PPP1R3F: variants seen among roughly 807,000 people sequenced by gnomAD.
PPP1R3F encodes the protein protein phosphatase 1 regulatory subunit 3F, also known as protein phosphatase 1, regulatory (inhibitor) subunit 3F.
In PPP1R3F, 29 loss-of-function variants were observed where a neutral mutation model predicts 24.2. The ratio of observed to expected loss-of-function variants is 1.20; its 90% confidence interval spans 0.89 to 1.63. PPP1R3F has a LOEUF of 1.63. Ranked by LOEUF, PPP1R3F falls within the 40% of genes most tolerant of loss-of-function variation. The probability of loss-of-function intolerance (pLI) is 0.00; values close to 1 mark genes in which losing one functional copy is unlikely to be tolerated. For missense variants in PPP1R3F, 823 were observed against 729.3 expected (o/e 1.13, Z -1.48); for synonymous variants, 363 against 340.1 (o/e 1.07, Z -0.74).
At chrX:49,297,942 AG>A (rs1404194353) in intron 3 of PPP1R3F, among the ~76,000 whole-genome samples, 2 of 102,798 alleles carry the variant, frequency 1.9e-5, no homozygotes, top group African/African-American at 3.7e-5. Context: ...TCCTGAATAT[AG>A]CCCACCGATG....
chrX:49,291,676 ATT>A (rs2066309529), downstream of PPP1R3F, among the ~76,000 whole-genome samples: 1 of 109,733 alleles, frequency 9.1e-6, no homozygotes, highest in Non-Finnish European at 1.9e-5. Flanking sequence ...GATAAACTCT[ATT>A]TTTATCACCC....
chrX:49,271,308 A>T (rs782713850), intron 1 of PPP1R3F, among the ~76,000 whole-genome samples: 83 of 112,157 alleles, frequency 7.4e-4, no homozygotes, highest in Non-Finnish European at 1.5e-4. Context: ...AAGAAGAGTT[A>T]TGCAGATACG....
At chrX:49,297,144 GAGTCTA>G (rs1352102513) in intron 3 of PPP1R3F, among the ~76,000 whole-genome samples, 1 of 109,917 alleles carries the variant, frequency 9.1e-6, no homozygotes, top group Non-Finnish European at 1.9e-5. Flanking sequence ...TATTGTGTGG[GAGTCTA>G]AGTCTCTTTG....
At chrX:49,292,617 G>A (rs782257153), downstream of PPP1R3F, among the ~76,000 whole-genome samples, 4 of 112,948 alleles carry the variant, frequency 3.5e-5, no homozygotes, top group Admixed American at 9.3e-5. Context: ...GGGCCTGAAC[G>A]CCGGGTCTAG....
At position 49,269,919 on chromosome X, in the gene PPP1R3F, C is replaced by A; in HGVS notation, c.50C>A (p.Pro17His). Residue 17 changes from proline (P) to histidine (H), a missense_variant, in exon 1 of 4, where the codon CCC (proline) becomes CAC (histidine). Coordinates refer to ENST00000055335, the MANE Select transcript of PPP1R3F (RefSeq NM_033215.5). Reference sequence around the variant, plus strand: ...CCCCCGCTGCGGCATTCCGCGCCCCCCTCGCCGGCCGCGGGTGAGCCCCGC... The same window carrying A: ...CCCCCGCTGCGGCATTCCGCGCCCCACTCGCCGGCCGCGGGTGAGCCCCGC... The part of the protein sequence containing the change: ...VEPPLRHSAP[P>H]SPAAGEPRTS... The A allele has an allele frequency of 4.4e-6, 4 of 906,655 alleles. No individual in the cohort carries two copies. Among genetic ancestry groups the A allele is most frequent in the Non-Finnish European group, 5.4e-6 (4 of 736,101 alleles). 74.7% of individuals were successfully genotyped at this position (906,655 alleles called of 1,213,427 possible).
intron 3 of PPP1R3F, among the ~76,000 whole-genome samples, chrX:49,284,471 CCT>C (rs1386152506): frequency 5.5e-5 from 5 of 91,605 alleles, no homozygotes; most frequent in Non-Finnish European, 4.3e-5. Flanking sequence ...TCCTTTCTTT[CCT>C]CTCTCTCTCT....
chrX:49,288,338 C>T (rs1557122030), downstream of PPP1R3F, among the ~76,000 whole-genome samples: 1 of 112,275 alleles, frequency 8.9e-6, no homozygotes, highest in African/African-American at 3.2e-5. Flanking sequence ...ACCTTGCAAC[C>T]CTTTCTTCAC....
rs141378768 is a variant in PPP1R3F, at chrX:49,286,851, A to C, written c.2161A>C (p.Arg721=). ...CGAAGTCTGTCTCTCTAGTGTAGCC[A>C]GGCCTCATGTGAGCTCCCAGGATGA... ...GAEVCLSSVA[R]PHVSSQDEKD... The change falls in exon 4 of 4, where the codon AGG becomes CGG. Residue 721 remains arginine, a synonymous_variant. Coordinates refer to ENST00000055335, the MANE Select transcript of PPP1R3F (RefSeq NM_033215.5). The C allele has an allele frequency of 6.7e-6, 8 of 1,192,395 alleles. No homozygotes were observed. In the African/African-American group the frequency reaches 8.8e-5, roughly 13 times the overall value.
At chrX:49,280,160 T>C (rs1193837101) in intron 1 of PPP1R3F, among the ~76,000 whole-genome samples, 1 of 111,919 alleles carries the variant, frequency 8.9e-6, no homozygotes, top group Non-Finnish European at 1.9e-5. Flanking sequence ...CTCTGTGACC[T>C]CCCTCCCAGT....
intron 2 of PPP1R3F, 119 bp downstream of exon 2, chrX:49,281,580 A>G: frequency 1.7e-6 from 1 of 584,971 alleles, no homozygotes; most frequent in Non-Finnish European, 2.7e-6. Context: ...CTGTAATCCC[A>G]GCACTTTGGG....
intron 1 of PPP1R3F, among the ~76,000 whole-genome samples, chrX:49,272,121 C>T (rs1426444027): frequency 8.9e-6 from 1 of 112,049 alleles, no homozygotes; most frequent in Non-Finnish European, 1.9e-5. Flanking sequence ...TGCAGTAAGA[C>T]ATTTGTGGGT....
chrX:49,300,905 C>T (rs1368560312), intron 3 of PPP1R3F, among the ~76,000 whole-genome samples: 2 of 111,613 alleles, frequency 1.8e-5, no homozygotes, highest in East Asian at 5.6e-4. Flanking sequence ...AGTCAGTCTG[C>T]ATGAGCCACT....
chrX:49,279,522 A>G (rs1299091568), intron 1 of PPP1R3F, among the ~76,000 whole-genome samples: 6 of 111,791 alleles, frequency 5.4e-5, no homozygotes, highest in Non-Finnish European at 9.4e-5. Context: ...CGTCTCTATT[A>G]AAAATACAAA....
chrX:49,295,214 T>A (rs2066319734), intron 3 of PPP1R3F, among the ~76,000 whole-genome samples: 1 of 111,610 alleles, frequency 9.0e-6, no homozygotes. Context: ...TTGTGCTGTA[T>A]CAGCTCACTG....
chrX:49,300,526 G>A, intron 3 of PPP1R3F, among the ~76,000 whole-genome samples: 1 of 85,596 alleles, frequency 1.2e-5, no homozygotes, highest in Non-Finnish European at 2.1e-5. Flanking sequence ...GTCTCACTCT[G>A]TCACCCAGGC....
At chrX:49,282,443 C>CTGTGTGTGTGTG (rs545507997) in intron 3 of PPP1R3F, among the ~76,000 whole-genome samples, 4 of 73,950 alleles carry the variant, frequency 5.4e-5, no homozygotes, top group African/African-American at 2.2e-4. Flanking sequence ...GTGAGAGACT[C>CTGTGTGTGTGTG]TGTGTGTGTG....
intron 1 of PPP1R3F, among the ~76,000 whole-genome samples, chrX:49,280,215 C>T (rs1045657147): frequency 9.4e-5 from 10 of 106,719 alleles, no homozygotes; most frequent in African/African-American, 3.3e-4. Context: ...TGTCTACCTG[C>T]CATTTCTTAG....
At chrX:49,278,866 A>G (rs1374696213) in intron 1 of PPP1R3F, among the ~76,000 whole-genome samples, 1 of 112,356 alleles carries the variant, frequency 8.9e-6, no homozygotes, top group African/African-American at 3.2e-5. Flanking sequence ...GCCTCCCTCT[A>G]TCTACTTCTA....
At chrX:49,280,691 G>GCA (rs2066243314) in intron 1 of PPP1R3F, 1 of 109,923 alleles carries the variant, frequency 9.1e-6, no homozygotes, top group South Asian at 4.0e-4. Context: ...GACTATGGGC[G>GCA]TGCACCGCCA....
Sources: allele counts gnomAD v4.1 joint callset (sites outside exome capture counted in the v4.1 genomes callset), GRCh38; gene constraint gnomAD v4.1.1; transcripts MANE v1.5; gene names NCBI Gene and HGNC (gene_info 2026-07-23, HGNC 2026-07-21).